SSTR2: variants seen among roughly 807,000 people sequenced by gnomAD.
The protein encoded by SSTR2 is somatostatin receptor 2, also known as somatostatin receptor type 2.
A neutral mutation model predicts 21.4 loss-of-function variants in SSTR2; 10 were observed. The ratio of observed to expected loss-of-function variants is 0.47; its 90% CI spans 0.29 to 0.79. SSTR2 has a LOEUF of 0.79. Ranked by LOEUF, SSTR2 falls within the 30% of genes least tolerant of loss-of-function variation. The probability of loss-of-function intolerance (pLI) is 0.10; values close to 1 mark genes in which losing one functional copy is unlikely to be tolerated. For missense variants in SSTR2, 364 were observed against 468.8 expected, an observed-to-expected ratio of 0.78 and a Z score of 2.06; for synonymous variants, 177 against 181.3, an observed-to-expected ratio of 0.98 and a Z score of 0.19.
At chr17:73,165,992 G>T (rs1210507401) in intron 1 of SSTR2, among the ~76,000 whole-genome samples, 1 of 151,432 alleles carries the variant, frequency 6.6e-6, no homozygotes, top group African/African-American at 2.4e-5. Flanking sequence ...TACTGGGCGT[G>T]CTGGCGCCAC....
Position 73,169,337 on chromosome 17 carries a change from G to A in SSTR2, c.18G>A (p.Glu6=), listed in dbSNP as rs2061226052. The change falls in exon 2 of 2, where the codon GAG becomes GAA. Residue 6 remains glutamate (E), a synonymous_variant. Transcript: ENST00000357585. The surrounding 1 kb of genome is among the most constrained non-coding windows in gnomAD (Gnocchi z 5.2). MDMAD[E]PLNGSHTWLS... ...AAGCAGCCATGGACATGGCGGATGA[G>A]CCACTCAATGGAAGCCACACATGGC... 1.9e-6 allele frequency: 3 copies of A among 1,612,690 alleles called. No homozygotes were observed. The highest frequency in any genetic ancestry group is 2.5e-6 in the Non-Finnish European group (3 of 1,179,582).
rs2061236913 is a variant in SSTR2, at chr17:73,171,952, A to AAAAAAAAAAAAAAC, written c.*1528_*1529insAAAAAAAACAAAAA. On this transcript the variant is annotated 3_prime_UTR_variant, in exon 2 of 2. Coordinates refer to ENST00000357585, the MANE Select transcript of SSTR2 (RefSeq NM_001050.3). Reference sequence around the variant, plus strand: ...AAAAAAAAAAAAAAAAAAAAAAAAAAAAAAAGGAAAACCACAATGCGTACT... The same window carrying AAAAAAAAAAAAAAC: ...AAAAAAAAAAAAAAAAAAAAAAAAAAAAAAAAAAAAAAACAAAAAGGAAAACCACAATGCGTACT... The AAAAAAAAAAAAAAC allele has an allele frequency of 7.0e-6, 1 of 142,660 alleles. No individual in the cohort carries two copies. The highest frequency in any genetic ancestry group is 2.7e-5 in the African/African-American group (1 of 37,334). The allele number at this position is 142,660 out of a possible 1,614,324, so 8.8% of individuals were successfully genotyped here.
chr17:73,170,674 A>G lies in SSTR2; in HGVS notation c.*245A>G. On this transcript the variant is annotated 3_prime_UTR_variant, in exon 2 of 2. Transcript: ENST00000357585. The stretch of plus-strand genomic sequence containing the variant: ...TGCAGGTAGACAATTCAAAGTCTGG[A>G]GAAGAGGGATCATGCCTGGATATGA... The G allele has an allele frequency of 1.5e-6, 1 of 678,522 alleles. No homozygotes were observed. The highest frequency in any genetic ancestry group is 1.5e-5 in the South Asian group (1 of 66,436). 42.0% of individuals were successfully genotyped at this position (678,522 alleles called of 1,614,324 possible). A position where few individuals can be genotyped will look rare whatever the true frequency, so the allele number is the denominator to read the frequency against.
rs2061242552 is a variant in SSTR2 at position 73,173,958 on chromosome 17, G to C, written c.*3529G>C. On this transcript the variant is annotated 3_prime_UTR_variant, in exon 2 of 2. Coordinates refer to ENST00000357585, the MANE Select transcript of SSTR2 (RefSeq NM_001050.3). Reference sequence around the variant, plus strand: ...AGCCTGGCCAACATGGGGAAACCCTGTCTCTACTAAGAATACAAAAATTAG... The same window carrying C: ...AGCCTGGCCAACATGGGGAAACCCTCTCTCTACTAAGAATACAAAAATTAG... The C allele has an allele frequency of 1.3e-5, 2 of 152,226 alleles. No homozygotes were observed. Among genetic ancestry groups the C allele is most frequent in the Admixed American group, 1.3e-4 (2 of 15,264 alleles). The allele number at this position is 152,226 out of a possible 1,614,324, so 9.4% of individuals were successfully genotyped here. A position where few individuals can be genotyped will look rare whatever the true frequency, so the allele number is the denominator to read the frequency against.
rs1293534294 is a variant in SSTR2 at position 73,171,827 on chromosome 17, A to C, written c.*1398A>C. 1 of 145,300 alleles carries C rather than the reference A, an allele frequency of 6.9e-6. No homozygotes were observed. Among genetic ancestry groups the C allele is most frequent in the African/African-American group, 2.5e-5 (1 of 39,302 alleles). The allele number at this position is 145,300 out of a possible 1,614,324, so 9.0% of individuals were successfully genotyped here. A position where few individuals can be genotyped will look rare whatever the true frequency, so the allele number is the denominator to read the frequency against. On this transcript the variant is annotated 3_prime_UTR_variant, in exon 2 of 2. Transcript: ENST00000357585. ...TCCTAGCTGCTCGGGAGGCTGAGGC[A>C]GGAGAATCACTTGAACTTGGGAGGT...
Position 73,170,164 on chromosome 17 carries a change from T to C in SSTR2, c.845T>C (p.Met282Thr). ...ATATTCAACGTTTCTTCCGTCTCCATGGCCATCAGCCCCACCCCAGCCCTT... is the reference window on the plus strand; with the variant it reads ...ATATTCAACGTTTCTTCCGTCTCCACGGCCATCAGCCCCACCCCAGCCCTT... ...FYIFNVSSVSMAISPTPALKG... is the reference protein window; with the variant it reads ...FYIFNVSSVSTAISPTPALKG... The change falls in exon 2 of 2, where the codon ATG becomes ACG. Residue 282 changes from methionine to threonine, a missense_variant. By Grantham distance (81) the Met-to-Thr change is moderately conservative. Coordinates refer to ENST00000357585, the MANE Select transcript of SSTR2 (RefSeq NM_001050.3). 1.2e-6 allele frequency: 2 copies of C among 1,614,202 alleles called. No homozygotes were observed. The highest frequency in any genetic ancestry group is 1.7e-6 in the Non-Finnish European group (2 of 1,180,040).
Position 73,169,610 on chromosome 17 carries a change from T to A in SSTR2, c.291T>A (p.Pro97=). 1 of 1,614,266 alleles carries A rather than the reference T, an allele frequency of 6.2e-7. No individual in the cohort carries two copies. The highest frequency in any genetic ancestry group is 1.3e-5 in the African/African-American group (1 of 75,076). The stretch of plus-strand genomic sequence containing the variant: ...ATGAGCTCTTCATGCTGGGTCTGCC[T>A]TTCTTGGCTATGCAGGTGGCTCTGG... The part of the protein sequence containing the change: ...IADELFMLGL[P]FLAMQVALVH... The change falls in exon 2 of 2, where the codon CCT becomes CCA. Residue 97 remains proline (P), a synonymous_variant. Transcript: ENST00000357585. This position sits in a 1 kb window ranked among gnomAD's most constrained non-coding sequence, Gnocchi z 5.2.
rs1360089579 is a variant in SSTR2 at position 73,169,092 on chromosome 17, C to A, written c.-92-136C>A. On this transcript the variant is annotated intron_variant, in intron 1 of 1. Transcript: ENST00000357585. The surrounding 1 kb of genome is among the most constrained non-coding windows in gnomAD (Gnocchi z 5.2). ...TGCACACTGATGAGGAACTCTAGAG[C>A]TTAATGTTGATGTGGAAAGATAATA... is the stretch of plus-strand genomic sequence containing the variant. 2 of 569,700 alleles carry A rather than the reference C, an allele frequency of 3.5e-6. No homozygotes were observed. The highest frequency in any genetic ancestry group is 3.1e-6 in the Non-Finnish European group (1 of 323,322). The allele number at this position is 569,700 out of a possible 1,614,324, so 35.3% of individuals were successfully genotyped here.
rs2061241266 is a variant in SSTR2, at chr17:73,173,515, C to T, written c.*3086C>T. The T allele has an allele frequency of 6.6e-6, 1 of 152,170 alleles. No homozygotes were observed. The highest frequency in any genetic ancestry group is 2.4e-5 in the African/African-American group (1 of 41,444). 9.4% of individuals were successfully genotyped at this position (152,170 alleles called of 1,614,324 possible). On this transcript the variant is annotated 3_prime_UTR_variant, in exon 2 of 2. Coordinates refer to ENST00000357585, the MANE Select transcript of SSTR2 (RefSeq NM_001050.3). Reference sequence around the variant, plus strand: ...TTCTCTTTTATCTAAAAGAGAGAATCAACATGCTAATTTAAAGGTTAACAT... The same window carrying T: ...TTCTCTTTTATCTAAAAGAGAGAATTAACATGCTAATTTAAAGGTTAACAT...
chr17:73,169,114 A>G lies in SSTR2; in HGVS notation c.-92-114A>G. ...GAGCTTAATGTTGATGTGGAAAGAT[A>G]ATACATTTTTCAATTTAAGAGTATG... On this transcript the variant is annotated intron_variant, in intron 1 of 1. Transcript: ENST00000357585. The surrounding 1 kb of genome is among the most constrained non-coding windows in gnomAD (Gnocchi z 5.2). 1.7e-6 allele frequency: 1 copy of G among 602,994 alleles called. No individual in the cohort carries two copies. The highest frequency in any genetic ancestry group is 2.9e-6 in the Non-Finnish European group (1 of 346,100). 37.4% of individuals were successfully genotyped at this position (602,994 alleles called of 1,614,324 possible). A position where few individuals can be genotyped will look rare whatever the true frequency, so the allele number is the denominator to read the frequency against.
rs1568286245 is a variant in SSTR2 at position 73,170,090 on chromosome 17, G to A, written c.771G>A (p.Met257Ile). The A allele has an allele frequency of 6.2e-7, 1 of 1,614,146 alleles. No homozygotes were observed. The highest frequency in any genetic ancestry group is 8.5e-7 in the Non-Finnish European group (1 of 1,180,030). ...RKKSEKKVTR[M>I]VSIVVAVFIF... ...AGTCTGAGAAGAAGGTCACCCGAATGGTGTCCATCGTGGTGGCTGTCTTCA... is the reference window on the plus strand; with the variant it reads ...AGTCTGAGAAGAAGGTCACCCGAATAGTGTCCATCGTGGTGGCTGTCTTCA... The change falls in exon 2 of 2, where the codon ATG becomes ATA. Residue 257 changes from methionine (M) to isoleucine (I), a missense_variant. By Grantham distance (10) the Met-to-Ile change is conservative. Transcript: ENST00000357585.
chr17:73,169,650 G>A lies in SSTR2; in HGVS notation c.331G>A (p.Gly111Ser). The change falls in exon 2 of 2, where the codon GGC becomes AGC. Residue 111 changes from glycine to serine, a missense_variant. Gly to Ser is a moderately conservative substitution (Grantham distance 56). Transcript: ENST00000357585. The surrounding 1 kb of genome is among the most constrained non-coding windows in gnomAD (Gnocchi z 5.2). ...GGTGGCTCTGGTCCACTGGCCCTTT[G>A]GCAAGGCCATTTGCCGGGTGGTCAT... The part of the protein sequence containing the change: ...MQVALVHWPF[G>S]KAICRVVMTV... 1 of 1,614,222 alleles carries A rather than the reference G, an allele frequency of 6.2e-7. No homozygotes were observed. The highest frequency in any genetic ancestry group is 8.5e-7 in the Non-Finnish European group (1 of 1,180,042).
At position 73,171,921 on chromosome 17, in the gene SSTR2, C is replaced by CAAAAAAA. The variant is rs61493168; in HGVS notation, c.*1522_*1528dup. The CAAAAAAA allele has an allele frequency of 5.6e-5, 1 of 17,958 alleles. No individual in the cohort carries two copies. The highest frequency in any genetic ancestry group is 2.0e-4 in the African/African-American group (1 of 4,924). The allele number at this position is 17,958 out of a possible 1,614,324, so 1.1% of individuals were successfully genotyped here. A position where few individuals can be genotyped will look rare whatever the true frequency, so the allele number is the denominator to read the frequency against. On this transcript the variant is annotated 3_prime_UTR_variant, in exon 2 of 2. Coordinates refer to ENST00000357585, the MANE Select transcript of SSTR2 (RefSeq NM_001050.3). ...GAGCAACAAGAGCAAAACTCAGTCT[C>CAAAAAAA]AAAAAAAAAAAAAAAAAAAAAAAAA...
rs1399576431 is a variant in SSTR2, at chr17:73,175,193, A to T, written c.*4764A>T. ...CATTTTTGCCAAATTCAAAAACACC[A>T]AATTTCCCATCAAATGTTCTGTCAG... is the stretch of plus-strand genomic sequence containing the variant. On this transcript the variant is annotated 3_prime_UTR_variant, in exon 2 of 2. Transcript: ENST00000357585. The T allele has an allele frequency of 6.6e-6, 1 of 152,178 alleles. No homozygotes were observed. Among genetic ancestry groups the T allele is most frequent in the Admixed American group, 6.5e-5 (1 of 15,278 alleles). The allele number at this position is 152,178 out of a possible 1,614,324, so 9.4% of individuals were successfully genotyped here. A position where few individuals can be genotyped will look rare whatever the true frequency, so the allele number is the denominator to read the frequency against.
chr17:73,170,231 C>T lies in SSTR2; in HGVS notation c.912C>T (p.Asn304=), dbSNP rs1033207017. The T allele has an allele frequency of 5.6e-6, 9 of 1,614,026 alleles. No homozygotes were observed. The highest frequency in any genetic ancestry group is 2.2e-5 in the East Asian group (1 of 44,876). Residue 304 remains asparagine, a synonymous_variant, in exon 2 of 2, where the codon AAC becomes AAT. Coordinates refer to ENST00000357585, the MANE Select transcript of SSTR2 (RefSeq NM_001050.3). The stretch of plus-strand genomic sequence containing the variant: ...TTGTGGTGGTCCTCACCTATGCTAA[C>T]AGCTGTGCCAACCCTATCCTATATG... ...FDFVVVLTYA[N]SCANPILYAF... is the part of the protein sequence containing the mutation.
At position 73,174,556 on chromosome 17, in the gene SSTR2, C is replaced by A. The variant is rs944220561; in HGVS notation, c.*4127C>A. 6.7e-6 allele frequency: 1 copy of A among 149,652 alleles called. No individual in the cohort carries two copies. The allele number at this position is 149,652 out of a possible 1,614,324, so 9.3% of individuals were successfully genotyped here. On this transcript the variant is annotated 3_prime_UTR_variant, in exon 2 of 2. Transcript: ENST00000357585. ...GCCTAGGCAATATGGTGAGACCCTG[C>A]CCTTAAAAAAAAAAAAGAAAAGAAA...
At chr17:73,165,578 G>A (rs2061213536) in intron 1 of SSTR2, among the ~76,000 whole-genome samples, 1 of 152,060 alleles carries the variant, frequency 6.6e-6, no homozygotes, top group Admixed American at 6.6e-5. Flanking sequence ...TGTGCGTGGC[G>A]TGTGCCCTTT....
intron 1 of SSTR2, among the ~76,000 whole-genome samples, chr17:73,166,883 A>T (rs1288719285): frequency 6.6e-6 from 1 of 152,072 alleles, no homozygotes; most frequent in Non-Finnish European, 1.5e-5. Flanking sequence ...AGTTAAAATG[A>T]CCGAGTTAGG....
At chr17:73,165,852 G>GA (rs1359772150) in intron 1 of SSTR2, among the ~76,000 whole-genome samples, 12 of 150,430 alleles carry the variant, frequency 8.0e-5, no homozygotes, top group Admixed American at 2.7e-4. Flanking sequence ...GGTTTGGAGA[G>GA]AAAAAACCAC....
Sources: gnomAD v4.1 joint callset for allele counts (sites outside exome capture counted in the v4.1 genomes callset) on GRCh38, gnomAD v4.1.1 for gene constraint, Gnocchi (gnomAD v3.1) non-coding constraint, MANE v1.5 for transcripts, NCBI Gene and HGNC (gene_info 2026-07-23, HGNC 2026-07-21) for gene names.